The following AGPAT4 variants were observed in gnomAD, a reference collection of about 807,000 sequenced individuals.
The protein encoded by AGPAT4 is 1-acyl-sn-glycerol-3-phosphate acyltransferase delta.
Under a neutral mutation model 48.0 loss-of-function variants are expected in AGPAT4, and 15 were observed. The ratio of observed to expected loss-of-function variants is 0.31; its 90% CI spans 0.21 to 0.48. The LOEUF is 0.48. Ranked by LOEUF, AGPAT4 falls within the 20% of genes least tolerant of loss-of-function variation. The pLI is 0.99. For missense variants in AGPAT4, 314 were observed against 482.5 expected (o/e 0.65, Z 3.27); for synonymous variants, 178 against 198.7 (o/e 0.90, Z 0.88).
rs950340209 is a variant in AGPAT4 at position 161,177,014 on chromosome 6, G to A, written c.179-10597C>T. ...TAGAGCTTCTGCCGAGAGATCTGCTGTTAGTCTGATGGGCTTCCTTTTGTG... is the reference window on the plus strand; with the variant it reads ...TAGAGCTTCTGCCGAGAGATCTGCTATTAGTCTGATGGGCTTCCTTTTGTG... On this transcript the variant is annotated intron_variant, in intron 2 of 8. Transcript: ENST00000320285. The surrounding 1 kb of genome is among the most constrained non-coding windows in gnomAD (Gnocchi z 5.0). 3.3e-5 allele frequency among the ~76,000 whole-genome samples: 5 copies of A among 152,038 alleles called. No individual in the cohort carries two copies. The highest frequency in any genetic ancestry group is 7.4e-5 in the Non-Finnish European group (5 of 67,998).
chr6:161,187,866 A>T (rs1780816657), intron 2 of AGPAT4, among the ~76,000 whole-genome samples: 1 of 152,150 alleles, frequency 6.6e-6, no homozygotes, highest in Admixed American at 6.6e-5. Flanking sequence ...TTTTAAAAGC[A>T]CCATTATAAA....
rs1783442015 is a variant in AGPAT4 at position 161,272,100 on chromosome 6, ATTTTGCCCC to A, written c.-90+1829_-90+1837del. Among the ~76,000 whole-genome samples the A allele has an allele frequency of 6.6e-6, 1 of 152,042 alleles. No individual in the cohort carries two copies. The highest frequency in any genetic ancestry group is 1.5e-5 in the Non-Finnish European group (1 of 68,014). The stretch of plus-strand genomic sequence containing the variant: ...GCTCTGGTTTGTTTTGTGCCATGCT[ATTTTGCCCC>A]ATTTTCAGGTAACTTTTCTACCTGA... On this transcript the variant is annotated intron_variant, in intron 1 of 8. Transcript: ENST00000320285. The surrounding 1 kb of genome is among the most constrained non-coding windows in gnomAD (Gnocchi z 4.2).
chr6:161,157,701 G>A (rs1446468176), intron 3 of AGPAT4, among the ~76,000 whole-genome samples: 8 of 152,202 alleles, frequency 5.3e-5, no homozygotes, highest in African/African-American at 1.9e-4. Flanking sequence ...AGGTTTTGAT[G>A]TTAACTATGT....
In AGPAT4 at chr6:161,196,301, C is replaced by T. The variant is rs1781063302; in HGVS notation, c.179-29884G>A. Among the ~76,000 whole-genome samples the T allele has an allele frequency of 6.6e-6, 1 of 151,982 alleles. No homozygotes were observed. The highest frequency in any genetic ancestry group is 1.5e-5 in the Non-Finnish European group (1 of 67,998). ...ATCTGCAGAAAAGGTGTCCTGGAAA[C>T]TATGAAAGTGTTTGAAAAGGAAAAA... is the stretch of plus-strand genomic sequence containing the variant. On this transcript the variant is annotated intron_variant, in intron 2 of 8. Coordinates refer to ENST00000320285, the MANE Select transcript of AGPAT4 (RefSeq NM_020133.3). The surrounding 1 kb of genome is among the most constrained non-coding windows in gnomAD (Gnocchi z 4.3).
At chr6:161,188,020 T>A (rs2114998846) in intron 2 of AGPAT4, among the ~76,000 whole-genome samples, 1 of 152,328 alleles carries the variant, frequency 6.6e-6, no homozygotes, top group South Asian at 2.1e-4. Flanking sequence ...TTATCCAAAT[T>A]CATTACCCAC....
intron 2 of AGPAT4, among the ~76,000 whole-genome samples, chr6:161,181,510 C>CGG (rs554688385): frequency 8.9e-6 from 1 of 112,122 alleles, no homozygotes; most frequent in African/African-American, 2.9e-5. Flanking sequence ...TAGCAGGGGG[C>CGG]GGGGGGCGCT....
Position 161,189,635 on chromosome 6 carries a change from C to T in AGPAT4, c.179-23218G>A, listed in dbSNP as rs867769150. ...TCTGTCTGTGCTGTACACTTGCACA[C>T]GGCAGATCCAGGCCAGCTGCACATC... On this transcript the variant is annotated intron_variant, in intron 2 of 8. Coordinates refer to ENST00000320285, the MANE Select transcript of AGPAT4 (RefSeq NM_020133.3). The surrounding 1 kb of genome is among the most constrained non-coding windows in gnomAD (Gnocchi z 5.3). Among the ~76,000 whole-genome samples the T allele has an allele frequency of 3.5e-4, 53 of 152,280 alleles. No individual in the cohort carries two copies. In the Middle Eastern group the frequency reaches 0.017, roughly 49 times the overall value.
rs936513243 is a variant in AGPAT4, at chr6:161,240,430, T to G, written c.-89-8128A>C. 1.3e-5 allele frequency among the ~76,000 whole-genome samples: 2 copies of G among 152,150 alleles called. No homozygotes were observed. The highest frequency in any genetic ancestry group is 4.8e-5 in the African/African-American group (2 of 41,420). On this transcript the variant is annotated intron_variant, in intron 1 of 8. Coordinates refer to ENST00000320285, the MANE Select transcript of AGPAT4 (RefSeq NM_020133.3). This position sits in a 1 kb window ranked among gnomAD's most constrained non-coding sequence, Gnocchi z 5.5. ...AGCTTTTTCCTCTATGCCACTGCACTCTTCCTGAACAGTGATTAAGCGATC... is the reference window on the plus strand; with the variant it reads ...AGCTTTTTCCTCTATGCCACTGCACGCTTCCTGAACAGTGATTAAGCGATC...
intron 2 of AGPAT4, among the ~76,000 whole-genome samples, chr6:161,205,761 T>TAATGATAATAATAAC (rs71004032): frequency 3.1e-4 from 46 of 149,038 alleles, no homozygotes; most frequent in Non-Finnish European, 6.2e-4. Flanking sequence ...ATAATAATAA[T>TAATGATAATAATAAC]AACAACAAAC....
intron 2 of AGPAT4, among the ~76,000 whole-genome samples, chr6:161,207,168 T>C (rs1200169013): frequency 6.6e-6 from 1 of 152,190 alleles, no homozygotes; most frequent in African/African-American, 2.4e-5. Context: ...GTGTGGACAA[T>C]CAATTAGTGA....
chr6:161,253,658 C>CT (rs1782865951), intron 1 of AGPAT4, among the ~76,000 whole-genome samples: 1 of 151,716 alleles, frequency 6.6e-6, no homozygotes, highest in African/African-American at 2.4e-5. Flanking sequence ...TATTGCACCC[C>CT]CCAAGATTGA....
In AGPAT4 at chr6:161,214,845, A is replaced by T. The variant is rs951317560; in HGVS notation, c.178+17191T>A. ...AAATACTGTATTACAATCTTAGCAG[A>T]CACCGTTGTAAATGTGGTCTACTGC... On this transcript the variant is annotated intron_variant, in intron 2 of 8. Transcript: ENST00000320285. The surrounding 1 kb of genome is among the most constrained non-coding windows in gnomAD (Gnocchi z 5.4). Among the ~76,000 whole-genome samples the T allele has an allele frequency of 2.6e-5, 4 of 152,208 alleles. No individual in the cohort carries two copies. Among genetic ancestry groups the T allele is most frequent in the African/African-American group, 9.7e-5 (4 of 41,446 alleles).
rs905836436 is a variant in AGPAT4 at position 161,245,587 on chromosome 6, G to C, written c.-89-13285C>G. Among the ~76,000 whole-genome samples, 5 of 152,130 alleles carry C rather than the reference G, an allele frequency of 3.3e-5. No individual in the cohort carries two copies. On this transcript the variant is annotated intron_variant, in intron 1 of 8. Transcript: ENST00000320285. This position sits in a 1 kb window ranked among gnomAD's most constrained non-coding sequence, Gnocchi z 5.2. Reference sequence around the variant, plus strand: ...TGGTTCAGCGAGGGGCTGCTCAGGGGAGCAGTTTAGGGGGACACAAGCAAG... The same window carrying C: ...TGGTTCAGCGAGGGGCTGCTCAGGGCAGCAGTTTAGGGGGACACAAGCAAG...
In AGPAT4 at chr6:161,143,915, GAA is replaced by G. The variant is rs1202052277; in HGVS notation, c.843+2607_843+2608del. The G allele has an allele frequency of 6.7e-6, 2 of 299,810 alleles. No individual in the cohort carries two copies. Among genetic ancestry groups the G allele is most frequent in the Non-Finnish European group, 1.3e-5 (2 of 151,184 alleles). The allele number at this position is 299,810 out of a possible 1,614,324, so 18.6% of individuals were successfully genotyped here. On this transcript the variant is annotated intron_variant, in intron 7 of 8. Coordinates refer to ENST00000320285, the MANE Select transcript of AGPAT4 (RefSeq NM_020133.3). This position sits in a 1 kb window ranked among gnomAD's most constrained non-coding sequence, Gnocchi z 4.7. ...AGAAACTTTACTTGTCCATGAAATT[GAA>G]AAGTCAGAGAACTACTGCCCTAAAA...
Position 161,262,283 on chromosome 6 carries a change from C to T in AGPAT4, c.-90+11655G>A, listed in dbSNP as rs1237101220. ...CTTTTTAAAATGCTTCCTAGGTGATCCTCATGTGCAGGCAATGTTGAGAAC... is the reference window on the plus strand; with the variant it reads ...CTTTTTAAAATGCTTCCTAGGTGATTCTCATGTGCAGGCAATGTTGAGAAC... On this transcript the variant is annotated intron_variant, in intron 1 of 8. Coordinates refer to ENST00000320285, the MANE Select transcript of AGPAT4 (RefSeq NM_020133.3). The surrounding 1 kb of genome is among the most constrained non-coding windows in gnomAD (Gnocchi z 4.9). Among the ~76,000 whole-genome samples, 1 of 152,106 alleles carries T rather than the reference C, an allele frequency of 6.6e-6. No individual in the cohort carries two copies. The highest frequency in any genetic ancestry group is 2.4e-5 in the African/African-American group (1 of 41,426).
In AGPAT4 at chr6:161,196,130, C is replaced by T. The variant is rs1269077909; in HGVS notation, c.179-29713G>A. ...GACCTCTTTCTAGAATGGTGTGGTT[C>T]GCCATCTTAAGAGCACTGTCTTTCT... On this transcript the variant is annotated intron_variant, in intron 2 of 8. Coordinates refer to ENST00000320285, the MANE Select transcript of AGPAT4 (RefSeq NM_020133.3). This position sits in a 1 kb window ranked among gnomAD's most constrained non-coding sequence, Gnocchi z 4.3. 1.3e-5 allele frequency among the ~76,000 whole-genome samples: 2 copies of T among 152,094 alleles called. No homozygotes were observed. Among genetic ancestry groups the T allele is most frequent in the South Asian group, 2.1e-4 (1 of 4,824 alleles).
chr6:161,175,006 T>C (rs1461792401), intron 2 of AGPAT4, among the ~76,000 whole-genome samples: 2 of 152,218 alleles, frequency 1.3e-5, no homozygotes, highest in Non-Finnish European at 2.9e-5. Context: ...GCCAACTTGA[T>C]CGTGGTGGAT....
rs1035672809 is a variant in AGPAT4, at chr6:161,150,660, C to T, written c.665-1371G>A. ...GCCTGGAAGTGGGGCCCGGAGTGCC[C>T]GAGACCACTCACCCCCGCCTTGGGG... On this transcript the variant is annotated intron_variant, in intron 5 of 8. Coordinates refer to ENST00000320285, the MANE Select transcript of AGPAT4 (RefSeq NM_020133.3). Among the ~76,000 whole-genome samples the T allele has an allele frequency of 2.6e-5, 4 of 152,332 alleles. 1 individual carries two copies. The highest frequency in any genetic ancestry group is 6.8e-3 in the Middle Eastern group (2 of 294).
chr6:161,194,866 T>C (rs1278702278), intron 2 of AGPAT4, among the ~76,000 whole-genome samples: 1 of 152,170 alleles, frequency 6.6e-6, no homozygotes, highest in East Asian at 1.9e-4. Flanking sequence ...ACTTCAGAAA[T>C]TAATGAATAA....
Sources: gnomAD v4.1 joint callset for allele counts (sites outside exome capture counted in the v4.1 genomes callset) on GRCh38, gnomAD v4.1.1 for gene constraint, Gnocchi (gnomAD v3.1) non-coding constraint, MANE v1.5 for transcripts, NCBI Gene and HGNC (gene_info 2026-07-23, HGNC 2026-07-21) for gene names.